The following ADAM19 variants were observed in gnomAD, a reference collection of about 807,000 sequenced individuals.
ADAM19 encodes disintegrin and metalloproteinase domain-containing protein 19.
ADAM19 carries 65 observed loss-of-function variants against 114.7 expected under a neutral mutation model. The observed-to-expected ratio is 0.57, with a 90% CI of 0.46 to 0.70. The LOEUF is 0.70. ADAM19 is among the 30% of genes least tolerant of loss of function. The probability of loss-of-function intolerance (pLI) is 0.00; values close to 1 mark genes in which losing one functional copy is unlikely to be tolerated. For synonymous variants in ADAM19, 466 were observed against 460.5 expected (o/e 1.01, Z -0.15); for missense variants, 1,063 against 1,204.7 (o/e 0.88, Z 1.74).
chr5:157,561,470 C>G (rs1323771933), intron 3 of ADAM19, among the ~76,000 whole-genome samples: 4 of 152,184 alleles, frequency 2.6e-5, no homozygotes, highest in Non-Finnish European at 5.9e-5. Flanking sequence ...TCTCCCTCCC[C>G]CCAGAGTCCC....
rs996488857 is a variant in ADAM19 at position 157,479,770 on chromosome 5, G to A, written c.*1179C>T. On this transcript the variant is annotated 3_prime_UTR_variant, in exon 23 of 23. Coordinates refer to ENST00000257527, the MANE Select transcript of ADAM19 (RefSeq NM_033274.5). ...CTCCAGTGATCTCGGGCAGCTCCCAGAAATGGGTCTGTTCTCTGCTCAGAG... is the reference window on the plus strand; with the variant it reads ...CTCCAGTGATCTCGGGCAGCTCCCAAAAATGGGTCTGTTCTCTGCTCAGAG... 13 of 985,668 alleles carry A rather than the reference G, an allele frequency of 1.3e-5. No individual in the cohort carries two copies. In the African/African-American group the frequency reaches 2.1e-4, roughly 16 times the overall value. 61.1% of individuals were successfully genotyped at this position (985,668 alleles called of 1,614,324 possible).
chr5:157,494,331 GAATA>G (rs535781712), intron 15 of ADAM19, among the ~76,000 whole-genome samples: 3 of 152,068 alleles, frequency 2.0e-5, no homozygotes, highest in Non-Finnish European at 4.4e-5. Flanking sequence ...AATGAATGAT[GAATA>G]AATGAATGAA....
chr5:157,505,357 T>C (rs556346635), intron 11 of ADAM19, among the ~76,000 whole-genome samples: 158 of 152,216 alleles, frequency 1.0e-3, no homozygotes, highest in African/African-American at 3.7e-3. Flanking sequence ...ATGATCAAAA[T>C]GTGTCCTCAT....
At chr5:157,486,210 C>CG (rs752608797) in intron 21 of ADAM19, among the ~76,000 whole-genome samples, 35 of 152,266 alleles carry the variant, frequency 2.3e-4, no homozygotes, top group Admixed American at 4.6e-4. Context: ...TGTGCAATGT[C>CG]GGGCAAGTCC....
In ADAM19 at chr5:157,575,656, G is replaced by A. The variant is rs1229345987; in HGVS notation, c.41C>T (p.Ala14Val). The A allele has an allele frequency of 3.6e-6, 5 of 1,400,078 alleles. No individual in the cohort carries two copies. Among genetic ancestry groups the A allele is most frequent in the Admixed American group, 3.5e-5 (1 of 28,912 alleles). 86.7% of individuals were successfully genotyped at this position (1,400,078 alleles called of 1,614,324 possible). A position where few individuals can be genotyped will look rare whatever the true frequency, so the allele number is the denominator to read the frequency against. The change falls in exon 1 of 23, where the codon GCG becomes GTG. Residue 14 changes from alanine to valine, a missense_variant. Around this residue, in one of 3 missense-constraint regions of ADAM19, gnomAD observed 615 missense variants for 706.3 expected, o/e 0.87. Coordinates refer to ENST00000257527, the MANE Select transcript of ADAM19 (RefSeq NM_033274.5). ...CGGCCGGAGGGGCTGCAGGGCAAAC[G>A]CCAGCAAGCAGAGCCGGGCGGCGCC... ...GAGAARLCLLAFALQPLRPRA... is the reference protein window; with the variant it reads ...GAGAARLCLLVFALQPLRPRA...
At chr5:157,538,112 C>A in intron 3 of ADAM19, 121 bp from the exon 4 acceptor site, 1 of 660,706 alleles carries the variant, frequency 1.5e-6, no homozygotes, top group South Asian at 2.3e-5. Flanking sequence ...ACAAAAGAAA[C>A]TAGGCAGCCA....
intron 8 of ADAM19, among the ~76,000 whole-genome samples, chr5:157,513,170 A>C (rs1755973865): frequency 6.6e-6 from 1 of 152,254 alleles, no homozygotes; most frequent in South Asian, 2.1e-4. Flanking sequence ...AACAAAAAAA[A>C]ACCACACATT....
Position 157,565,273 on chromosome 5 carries a change from A to G in ADAM19, c.181-830T>C, listed in dbSNP as rs535903395. 6.6e-5 allele frequency among the ~76,000 whole-genome samples: 10 copies of G among 152,316 alleles called. No individual in the cohort carries two copies. In the South Asian group the frequency reaches 1.9e-3, roughly 28 times the overall value. The stretch of plus-strand genomic sequence containing the variant: ...ATTAAAAATAATAAGATACCTTGAA[A>G]AAAATCAAAGTGCCAGAGGTTATCT... On this transcript the variant is annotated intron_variant, in intron 2 of 22. Transcript: ENST00000257527.
chr5:157,532,519 T>A (rs72811324), intron 4 of ADAM19, among the ~76,000 whole-genome samples: 8,104 of 152,246 alleles, frequency 0.053, 235 homozygotes, highest in African/African-American at 0.08. Flanking sequence ...AAGAGACACA[T>A]TCCTAGAGGC....
chr5:157,516,938 A>G (rs199571203), intron 7 of ADAM19, among the ~76,000 whole-genome samples: 50,495 of 147,154 alleles, frequency 0.34, 8,982 homozygotes, highest in African/African-American at 0.5. Flanking sequence ...AACATAGAAC[A>G]CACACACACA....
At chr5:157,563,617 C>A (rs1320758419) in intron 3 of ADAM19, among the ~76,000 whole-genome samples, 3 of 152,134 alleles carry the variant, frequency 2.0e-5, no homozygotes, top group Non-Finnish European at 2.9e-5. Flanking sequence ...AAAAGTGGGA[C>A]GGTCAGTGGG....
chr5:157,537,105 T>C (rs1213545437), intron 4 of ADAM19, among the ~76,000 whole-genome samples: 1 of 152,196 alleles, frequency 6.6e-6, no homozygotes, highest in East Asian at 1.9e-4. Flanking sequence ...TGCCAGTAGA[T>C]CCTCCCTGCC....
Position 157,519,826 on chromosome 5 carries a change from C to T in ADAM19, c.600+13G>A. 6.9e-6 allele frequency: 11 copies of T among 1,602,418 alleles called. No individual in the cohort carries two copies. The highest frequency in any genetic ancestry group is 9.4e-6 in the Non-Finnish European group (11 of 1,172,772). On this transcript the variant is annotated intron_variant, in intron 6 of 22. Transcript: ENST00000257527. ...CCCAGGTTGATTTCTGCACTGAGAG[C>T]CTCAAAACTCACCCTGCGAGGTCGC...
At chr5:157,570,058 G>A (rs1014630929) in intron 2 of ADAM19, among the ~76,000 whole-genome samples, 3 of 152,050 alleles carry the variant, frequency 2.0e-5, no homozygotes, top group Admixed American at 6.6e-5. Flanking sequence ...TCAGGAGTTC[G>A]AGACCACCCT....
chr5:157,553,115 T>C (rs1561554355), intron 3 of ADAM19, among the ~76,000 whole-genome samples: 1 of 152,208 alleles, frequency 6.6e-6, no homozygotes, highest in East Asian at 1.9e-4. Flanking sequence ...AGACCTATTA[T>C]TTGATAGCAC....
intron 3 of ADAM19, among the ~76,000 whole-genome samples, chr5:157,549,549 A>G (rs143794076): frequency 1.8e-4 from 28 of 152,310 alleles, no homozygotes; most frequent in African/African-American, 6.3e-4. Context: ...TCTGCAAGAC[A>G]ATATTTCAAG....
At position 157,527,203 on chromosome 5, in the gene ADAM19, C is replaced by T. The variant is rs1489883680; in HGVS notation, c.407+3604G>A. On this transcript the variant is annotated intron_variant, in intron 5 of 22. Transcript: ENST00000257527. ...AGAGAGGGAGCACAAGGGAAACTGA[C>T]ACTTTTTTTTGTTTGTTTGTTTTTT... Among the ~76,000 whole-genome samples, 4 of 151,930 alleles carry T rather than the reference C, an allele frequency of 2.6e-5. No homozygotes were observed. In the East Asian group the frequency reaches 5.8e-4, roughly 22 times the overall value.
chr5:157,483,761 G>A (rs1754837475), intron 21 of ADAM19, among the ~76,000 whole-genome samples: 2 of 151,950 alleles, frequency 1.3e-5, no homozygotes, highest in South Asian at 4.2e-4. Flanking sequence ...AGCCTCCTGA[G>A]TAGTTGGGAT....
At chr5:157,547,443 A>G (rs974918902) in intron 3 of ADAM19, among the ~76,000 whole-genome samples, 2 of 152,170 alleles carry the variant, frequency 1.3e-5, no homozygotes, top group Admixed American at 6.5e-5. Flanking sequence ...ATGCTGTTAT[A>G]AAAGGGCTTG....
Sources: gnomAD v4.1 joint callset for allele counts (sites outside exome capture counted in the v4.1 genomes callset) on GRCh38, gnomAD v4.1.1 for gene constraint, gnomAD v4.1.1 regional missense constraint, MANE v1.5 for transcripts, NCBI Gene and HGNC (gene_info 2026-07-23, HGNC 2026-07-21) for gene names.